LINGO2: variants seen among roughly 807,000 people sequenced by gnomAD.
LINGO2 encodes leucine rich repeat and Ig domain containing 2.
A neutral mutation model predicts 30.6 loss-of-function variants in LINGO2; 14 were observed. The ratio of observed to expected loss-of-function variants is 0.46; its 90% CI spans 0.30 to 0.72. The LOEUF is 0.72. Ranked by LOEUF, LINGO2 falls within the 30% of genes least tolerant of loss-of-function variation. The pLI is 0.07. For missense variants in LINGO2, 729 were observed against 751.7 expected, an observed-to-expected ratio of 0.97 and a Z score of 0.35; for synonymous variants, 317 against 288.5, an observed-to-expected ratio of 1.10 and a Z score of -1.00.
the LINGO2 span, among the ~76,000 whole-genome samples, chr9:29,030,909 A>T: frequency 6.6e-6 from 1 of 152,204 alleles, no homozygotes; most frequent in Non-Finnish European, 1.5e-5. Context: ...ATCAGGATAC[A>T]TCCTAAAATT....
chr9:29,118,122 A>G, the LINGO2 span, among the ~76,000 whole-genome samples: 1 of 152,146 alleles, frequency 6.6e-6, no homozygotes, highest in Non-Finnish European at 1.5e-5. Context: ...GGTAGAAGAG[A>G]TACAGAGGGA....
At chr9:28,824,732 A>G in the LINGO2 span, among the ~76,000 whole-genome samples, 1 of 152,114 alleles carries the variant, frequency 6.6e-6, no homozygotes, top group Admixed American at 6.6e-5. Context: ...TCAATATTAG[A>G]TATGTGGCTC....
At chr9:29,143,417 T>C in the LINGO2 span, among the ~76,000 whole-genome samples, 37,463 of 152,000 alleles carry the variant, frequency 0.25, 4,809 homozygotes, top group East Asian at 0.44. Flanking sequence ...AAACATATTA[T>C]GAAGCTACAG....
chr9:28,238,075 G>A (rs1467147800), intron 4 of LINGO2, among the ~76,000 whole-genome samples: 1 of 151,708 alleles, frequency 6.6e-6, no homozygotes, highest in Non-Finnish European at 1.5e-5. Context: ...TTCGGCATAA[G>A]GATACAACAA....
the LINGO2 span, among the ~76,000 whole-genome samples, chr9:28,781,908 A>G: frequency 6.6e-6 from 1 of 152,340 alleles, no homozygotes; most frequent in East Asian, 1.9e-4. Context: ...TTATTGTCAT[A>G]CAGTAAGTTG....
At chr9:28,817,724 C>T in the LINGO2 span, among the ~76,000 whole-genome samples, 1 of 151,996 alleles carries the variant, frequency 6.6e-6, no homozygotes, top group Non-Finnish European at 1.5e-5. Context: ...TGAGATGGAA[C>T]AATTGAAAAG....
intron 5 of LINGO2, among the ~76,000 whole-genome samples, chr9:27,953,102 G>T (rs1038075584): frequency 6.6e-6 from 1 of 151,986 alleles, no homozygotes; most frequent in Non-Finnish European, 1.5e-5. Context: ...AAAATAGGGG[G>T]TATGTAGTTT....
At chr9:29,013,052 C>A in the LINGO2 span, among the ~76,000 whole-genome samples, 2 of 152,088 alleles carry the variant, frequency 1.3e-5, no homozygotes, top group Non-Finnish European at 2.9e-5. Context: ...GCAAGGGAAG[C>A]CTTAGACACA....
At chr9:28,899,235 G>A in the LINGO2 span, among the ~76,000 whole-genome samples, 292 of 152,294 alleles carry the variant, frequency 1.9e-3, 1 homozygote, top group African/African-American at 6.5e-3. Flanking sequence ...CATTCCAAAC[G>A]AGGGAAGGAC....
chr9:29,134,771 C>T, the LINGO2 span, among the ~76,000 whole-genome samples: 1 of 151,666 alleles, frequency 6.6e-6, no homozygotes, highest in Non-Finnish European at 1.5e-5. Flanking sequence ...GAGGAATATC[C>T]CTATTAATAT....
At chr9:28,336,690 A>G (rs1825600903) in intron 3 of LINGO2, among the ~76,000 whole-genome samples, 1 of 152,060 alleles carries the variant, frequency 6.6e-6, no homozygotes, top group African/African-American at 2.4e-5. Context: ...CTACTTTTGC[A>G]CCTTTGCAGA....
At chr9:28,311,025 T>C (rs907867329) in intron 3 of LINGO2, among the ~76,000 whole-genome samples, 2 of 152,168 alleles carry the variant, frequency 1.3e-5, no homozygotes, top group Non-Finnish European at 2.9e-5. Context: ...TTCATGTAGA[T>C]TCTTTTCTAT....
At chr9:28,669,715 TAAAAA>T (rs959351844) in intron 1 of LINGO2, among the ~76,000 whole-genome samples, 11 of 152,006 alleles carry the variant, frequency 7.2e-5, no homozygotes, top group Admixed American at 1.3e-4. Context: ...GTGGGGGAAA[TAAAAA>T]GAAAAGGAAC....
At chr9:28,678,457 C>T in the LINGO2 span, among the ~76,000 whole-genome samples, 1 of 152,272 alleles carries the variant, frequency 6.6e-6, no homozygotes, top group East Asian at 1.9e-4. Context: ...CTGAAGTTTT[C>T]ATCCCTGTCA....
the LINGO2 span, among the ~76,000 whole-genome samples, chr9:29,082,650 C>T: frequency 6.6e-6 from 1 of 151,978 alleles, no homozygotes; most frequent in Non-Finnish European, 1.5e-5. Context: ...AGGCAACCTA[C>T]AGAATGGGAG....
intron 4 of LINGO2, among the ~76,000 whole-genome samples, chr9:28,036,518 G>A (rs1203386821): frequency 2.0e-5 from 3 of 152,164 alleles, no homozygotes; most frequent in Non-Finnish European, 4.4e-5. Flanking sequence ...TGTCTAGAAG[G>A]AAGAATTTTT....
At chr9:28,572,381 C>T (rs115510869) in intron 1 of LINGO2, among the ~76,000 whole-genome samples, 1,957 of 152,076 alleles carry the variant, frequency 0.013, 37 homozygotes, top group African/African-American at 0.043. Context: ...TGCTTAGATA[C>T]GACTGGCATG....
At chr9:28,337,873 G>A (rs984773370) in intron 3 of LINGO2, among the ~76,000 whole-genome samples, 1 of 152,202 alleles carries the variant, frequency 6.6e-6, no homozygotes, top group Non-Finnish European at 1.5e-5. Flanking sequence ...GCAGGGGTGG[G>A]GCCCTCATGG....
the LINGO2 span, among the ~76,000 whole-genome samples, chr9:29,195,535 A>C: frequency 1.3e-5 from 2 of 152,042 alleles, no homozygotes; most frequent in Non-Finnish European, 2.9e-5. Context: ...CTGTTTTCAT[A>C]ATGGCTGTGC....
Sources: allele counts gnomAD v4.1 joint callset (sites outside exome capture counted in the v4.1 genomes callset), GRCh38; gene constraint gnomAD v4.1.1; transcripts MANE v1.5; gene names NCBI Gene and HGNC (gene_info 2026-07-23, HGNC 2026-07-21).